The following RBM6 variants were observed in gnomAD, a reference collection of about 807,000 sequenced individuals.
RBM6 encodes the protein RNA binding motif protein 6, also known as RNA-binding protein 6.
Under a neutral mutation model 140.4 loss-of-function variants are expected in RBM6, and 23 were observed. The observed-to-expected ratio is 0.16, with a 90% CI of 0.12 to 0.23. The LOEUF is 0.23. RBM6 is among the 10% of genes least tolerant of loss of function. The pLI is 1.00. For synonymous variants in RBM6, 439 were observed against 475.6 expected (o/e 0.92, Z 1.00); for missense variants, 1,139 against 1,386.7 (o/e 0.82, Z 2.84).
intron 1 of RBM6, among the ~76,000 whole-genome samples, chr3:49,949,445 TGCAGTGGTGTGATC>T (rs2083636417): frequency 6.6e-6 from 1 of 151,952 alleles, no homozygotes; most frequent in African/African-American, 2.4e-5. Flanking sequence ...GAGGCTGGAG[TGCAGTGGTGTGATC>T]GCAGCTCATT....
intron 7 of RBM6, among the ~76,000 whole-genome samples, chr3:50,049,102 GTTTA>G (rs749733257): frequency 9.9e-5 from 15 of 151,088 alleles, no homozygotes; most frequent in Non-Finnish European, 1.8e-4. Flanking sequence ...GCGCTGGCCT[GTTTA>G]TTTATTTATT....
rs1002174063 is a variant in RBM6, at chr3:49,972,083, A to C, written c.1348A>C (p.Ser450Arg). Residue 450 changes from serine (S) to arginine (R), a missense_variant, in exon 4 of 21, where the codon AGT (serine) becomes CGT (arginine). By Grantham distance (110) the Ser-to-Arg change is moderately radical. Transcript: ENST00000266022. Reference protein sequence around the residue: ...LQDQDYRTGPSEEKPSRLIRL... With the variant: ...LQDQDYRTGPREEKPSRLIRL... ...GGATCAAGATTATAGGACCGGCCCA[A>C]GTGAGGAGAAACCCAGCAGGCTTAT... 1 of 1,613,050 alleles carries C rather than the reference A, an allele frequency of 6.2e-7. No individual in the cohort carries two copies. The highest frequency in any genetic ancestry group is 1.3e-5 in the African/African-American group (1 of 74,878).
intron 5 of RBM6, among the ~76,000 whole-genome samples, chr3:49,991,899 T>C (rs2085842766): frequency 6.6e-6 from 1 of 151,078 alleles, no homozygotes; most frequent in Admixed American, 6.6e-5. Flanking sequence ...AAACCAGCTT[T>C]ATGGAATCAT....
intron 1 of RBM6, among the ~76,000 whole-genome samples, chr3:49,947,064 T>C (rs867556994): frequency 3.7e-5 from 5 of 134,980 alleles, no homozygotes; most frequent in Non-Finnish European, 6.2e-5. Flanking sequence ...GGTGAAACCC[T>C]GTCTCTACTA....
intron 6 of RBM6, among the ~76,000 whole-genome samples, chr3:50,019,151 T>G (rs1350532581): frequency 2.0e-5 from 3 of 152,056 alleles, no homozygotes; most frequent in Admixed American, 6.6e-5. Context: ...TTCTCCTGCC[T>G]CAGCGTTCTG....
chr3:50,042,007 G>A (rs1375364450), intron 6 of RBM6, among the ~76,000 whole-genome samples: 6 of 152,150 alleles, frequency 3.9e-5, no homozygotes, highest in Non-Finnish European at 8.8e-5. Context: ...GTATTCTTGG[G>A]CAGACTACTC....
Position 50,059,639 on chromosome 3 carries a change from G to C in RBM6, c.2131-10G>C. 6.2e-7 allele frequency: 1 copy of C among 1,609,418 alleles called. No homozygotes were observed. The highest frequency in any genetic ancestry group is 8.5e-7 in the Non-Finnish European group (1 of 1,177,150). On this transcript the variant is annotated splice_polypyrimidine_tract_variant and intron_variant, in intron 10 of 20. Transcript: ENST00000266022. ...TCTGTCTCTGGGTTCAAGTGTGTCT[G>C]GTTCTATAGGAAGCTCTTCGTGTGG...
At chr3:50,061,397 A>G (rs953027671) in intron 13 of RBM6, 65 bp from the exon 14 acceptor site, 23 of 1,581,252 alleles carry the variant, frequency 1.5e-5, no homozygotes, top group Non-Finnish European at 1.7e-5. Context: ...TGGGTTCTTG[A>G]TGAGTCTCCA....
At position 50,010,768 on chromosome 3, in the gene RBM6, T is replaced by C. The variant is rs369370733; in HGVS notation, c.1557+11255T>C. 2.7e-5 allele frequency among the ~76,000 whole-genome samples: 4 copies of C among 150,590 alleles called. No individual in the cohort carries two copies. In the East Asian group the frequency reaches 5.9e-4, roughly 22 times the overall value. ...AAATACGAAAATTAGCCCAGCATGG[T>C]GGTGTGTTCCTGTAGTCCCAGCTAC... On this transcript the variant is annotated intron_variant, in intron 6 of 20. Transcript: ENST00000266022.
At position 50,058,521 on chromosome 3, in the gene RBM6, A is replaced by G. The variant is rs766202230; in HGVS notation, c.2089A>G (p.Met697Val). Reference protein sequence around the residue: ...VRIIKNRTGPMGHTYGFIDLD... With the variant: ...VRIIKNRTGPVGHTYGFIDLD... ...TATCATCAAGAACAGAACAGGCCCT[A>G]TGGGGCATACCTATGGCTTTATTGA... Residue 697 changes from methionine to valine, a missense_variant, in exon 10 of 21, where the codon ATG (methionine) becomes GTG (valine). Around this residue, in one of 9 missense-constraint regions of RBM6, gnomAD observed 47 missense variants for 117.6 expected, o/e 0.40. Transcript: ENST00000266022. 4.3e-6 allele frequency: 7 copies of G among 1,611,082 alleles called. No homozygotes were observed. Among genetic ancestry groups the G allele is most frequent in the Admixed American group, 1.7e-5 (1 of 60,024 alleles).
At chr3:50,065,946 C>T (rs911997050) in intron 16 of RBM6, among the ~76,000 whole-genome samples, 2 of 152,196 alleles carry the variant, frequency 1.3e-5, no homozygotes, top group South Asian at 2.1e-4. Flanking sequence ...ATCTCTTCCT[C>T]TTTGTAATTT....
chr3:50,007,467 G>C (rs2086636222), intron 6 of RBM6, among the ~76,000 whole-genome samples: 1 of 151,796 alleles, frequency 6.6e-6, no homozygotes, highest in Non-Finnish European at 1.5e-5. Context: ...GATTACAGGA[G>C]TGAGCTACCA....
chr3:49,999,962 C>T (rs1021234385), intron 6 of RBM6, among the ~76,000 whole-genome samples: 4 of 151,972 alleles, frequency 2.6e-5, no homozygotes, highest in African/African-American at 9.7e-5. Flanking sequence ...TCAGATCCTG[C>T]CTGCAGGGGC....
At chr3:49,991,584 T>G (rs2085828949) in intron 5 of RBM6, among the ~76,000 whole-genome samples, 1 of 152,158 alleles carries the variant, frequency 6.6e-6, no homozygotes, top group South Asian at 2.1e-4. Context: ...GCCAGGAACC[T>G]GGGACAGACC....
chr3:50,069,038 A>G (rs2090205618), intron 18 of RBM6, among the ~76,000 whole-genome samples: 1 of 152,172 alleles, frequency 6.6e-6, no homozygotes, highest in African/African-American at 2.4e-5. Flanking sequence ...TTAGCTTTTA[A>G]ATTAGTTGAG....
At chr3:50,054,776 T>C (rs2089635029) in intron 8 of RBM6, among the ~76,000 whole-genome samples, 1 of 152,020 alleles carries the variant, frequency 6.6e-6, no homozygotes, top group Non-Finnish European at 1.5e-5. Flanking sequence ...TGGCCTCCCA[T>C]AGTGCTGGGA....
intron 6 of RBM6, among the ~76,000 whole-genome samples, chr3:50,006,921 G>T (rs1477942151): frequency 7.3e-6 from 1 of 137,492 alleles, no homozygotes; most frequent in Non-Finnish European, 1.5e-5. Context: ...GACAGAGTGA[G>T]ACTCCATCTC....
chr3:50,044,324 T>C, intron 6 of RBM6, among the ~76,000 whole-genome samples: 1 of 152,044 alleles, frequency 6.6e-6, no homozygotes, highest in South Asian at 2.1e-4. Flanking sequence ...TAATAGGCAA[T>C]TAAGAATGGA....
chr3:49,960,923 T>G (rs561805591), intron 1 of RBM6, among the ~76,000 whole-genome samples: 1 of 151,520 alleles, frequency 6.6e-6, no homozygotes, highest in East Asian at 1.9e-4. Flanking sequence ...TTTTTTTTTT[T>G]TTTTTTGAGA....
Sources: allele counts gnomAD v4.1 joint callset (sites outside exome capture counted in the v4.1 genomes callset), GRCh38; gene constraint gnomAD v4.1.1; regional missense constraint gnomAD v4.1.1; transcripts MANE v1.5; gene names NCBI Gene and HGNC (gene_info 2026-07-23, HGNC 2026-07-21).